BRPF3: variants seen among roughly 807,000 people sequenced by gnomAD.
BRPF3 encodes the protein bromodomain and PHD finger containing 3.
BRPF3 carries 18 observed loss-of-function variants against 102.0 expected under a neutral mutation model. The observed-to-expected ratio is 0.18, with a 90% CI of 0.12 to 0.26. The LOEUF is 0.26. BRPF3 is among the 10% of genes least tolerant of loss of function. The pLI, the probability that BRPF3 is intolerant of heterozygous loss-of-function variation, is 1.00. For missense variants in BRPF3, 1,147 were observed against 1,567.8 expected, an observed-to-expected ratio of 0.73 and a Z score of 4.53; for synonymous variants, 570 against 614.2, an observed-to-expected ratio of 0.93 and a Z score of 1.06.
chr6:36,223,828 T>A (rs2127295861), intron 10 of BRPF3, among the ~76,000 whole-genome samples: 1 of 152,322 alleles, frequency 6.6e-6, no homozygotes, highest in East Asian at 1.9e-4. Flanking sequence ...TCAGAATAAA[T>A]TCCCAGGGAA....
chr6:36,198,896 A>G (rs1411505696), intron 1 of BRPF3, among the ~76,000 whole-genome samples: 2 of 152,202 alleles, frequency 1.3e-5, no homozygotes, highest in South Asian at 2.1e-4. Flanking sequence ...AGGATAGACT[A>G]GATATGAGTG....
In BRPF3 at chr6:36,201,160, A is replaced by C; in HGVS notation, c.838A>C (p.Lys280Gln). Reference sequence around the variant, plus strand: ...TTGCCCCAATAAGGGTGGCGCCTTCAAACAGACCAGTGATGGGCACTGGGC... The same window carrying C: ...TTGCCCCAATAAGGGTGGCGCCTTCCAACAGACCAGTGATGGGCACTGGGC... ...ILCPNKGGAFKQTSDGHWAHV... is the reference protein window; with the variant it reads ...ILCPNKGGAFQQTSDGHWAHV... The change falls in exon 2 of 13, where the codon AAA becomes CAA. Residue 280 changes from lysine (K) to glutamine (Q), a missense_variant. Lys to Gln is a moderately conservative substitution (Grantham distance 53). Transcript: ENST00000357641. The surrounding 1 kb of genome is among the most constrained non-coding windows in gnomAD (Gnocchi z 5.1). The C allele has an allele frequency of 6.2e-7, 1 of 1,614,148 alleles. No homozygotes were observed. The highest frequency in any genetic ancestry group is 8.5e-7 in the Non-Finnish European group (1 of 1,180,032).
At position 36,207,294 on chromosome 6, in the gene BRPF3, C is replaced by G. The variant is rs78874446; in HGVS notation, c.1606-19C>G. 4.2e-3 allele frequency: 6,706 copies of G among 1,609,494 alleles called. 62 individuals carry two copies. Among genetic ancestry groups the G allele is most frequent in the African/African-American group, 0.031 (2,292 of 74,902 alleles). ...TGCAAGAAGGAGGTTCCTAGTCCCT[C>G]TTCTCTTCCCTCCTGTAGCGAGAGC... On this transcript the variant is annotated intron_variant, in intron 3 of 12. Transcript: ENST00000357641.
Position 36,232,002 on chromosome 6 carries a change from A to C in BRPF3, c.*1393A>C, listed in dbSNP as rs1768954928. The C allele has an allele frequency of 1.3e-5, 2 of 152,612 alleles. No homozygotes were observed. Among genetic ancestry groups the C allele is most frequent in the Non-Finnish European group, 2.9e-5 (2 of 68,022 alleles). 9.5% of individuals were successfully genotyped at this position (152,612 alleles called of 1,614,324 possible). A position where few individuals can be genotyped will look rare whatever the true frequency, so the allele number is the denominator to read the frequency against. On this transcript the variant is annotated 3_prime_UTR_variant, in exon 13 of 13. Transcript: ENST00000357641. ...AATTGTTTTAAATTTTTCATAGGGG[A>C]GTTTTGGACAAAACAGTCACTGGGG...
intron 8 of BRPF3, 76 bp from the exon 9 acceptor site, chr6:36,217,841 G>C: frequency 7.7e-7 from 1 of 1,291,774 alleles, no homozygotes; most frequent in Non-Finnish European, 1.1e-6. Context: ...CCCTCCTGAG[G>C]TGGCTGCCTC....
At chr6:36,216,642 G>A (rs895316366) in intron 8 of BRPF3, among the ~76,000 whole-genome samples, 2 of 152,198 alleles carry the variant, frequency 1.3e-5, no homozygotes, top group Non-Finnish European at 2.9e-5. Context: ...CAGTTTTCTA[G>A]TTACGGTGTC....
chr6:36,223,025 T>C (rs1717696681), intron 10 of BRPF3, among the ~76,000 whole-genome samples: 1 of 152,150 alleles, frequency 6.6e-6, no homozygotes. Flanking sequence ...TTATGGGCCT[T>C]GTCTCCTTGG....
chr6:36,200,592 C>A lies in BRPF3; in HGVS notation c.270C>A (p.Ser90=). Reference sequence around the variant, plus strand: ...AACAGCCTCAGTTCCCTGGCAAGTCCAAGAAACCCTCATCCAAGGGCAAAA... The same window carrying A: ...AACAGCCTCAGTTCCCTGGCAAGTCAAAGAAACCCTCATCCAAGGGCAAAA... The part of the protein sequence containing the change: ...NSEQPQFPGK[S]KKPSSKGKKK... The change falls in exon 2 of 13, where the codon TCC becomes TCA. Residue 90 remains serine, a synonymous_variant. Transcript: ENST00000357641. The surrounding 1 kb of genome is among the most constrained non-coding windows in gnomAD (Gnocchi z 5.3). 1 of 1,614,174 alleles carries A rather than the reference C, an allele frequency of 6.2e-7. No individual in the cohort carries two copies. The highest frequency in any genetic ancestry group is 8.5e-7 in the Non-Finnish European group (1 of 1,180,038).
rs923321897 is a variant in BRPF3, at chr6:36,230,265, C to G, written c.3435-161C>G. 4.6e-5 allele frequency among the ~76,000 whole-genome samples: 7 copies of G among 152,062 alleles called. No individual in the cohort carries two copies. The highest frequency in any genetic ancestry group is 4.6e-4 in the Admixed American group (7 of 15,282). On this transcript the variant is annotated intron_variant, in intron 12 of 12. Coordinates refer to ENST00000357641, the MANE Select transcript of BRPF3 (RefSeq NM_015695.3). The surrounding 1 kb of genome is among the most constrained non-coding windows in gnomAD (Gnocchi z 5.4). ...ATATCCTGCTTGCTGTCCTCACCTG[C>G]TAGGTTCTTGGTGGCCTCCTGCATG...
At chr6:36,207,483 G>A in intron 4 of BRPF3, 39 bp downstream of exon 4, 1 of 1,606,908 alleles carries the variant, frequency 6.2e-7, no homozygotes, top group Non-Finnish European at 8.5e-7. Flanking sequence ...CTAGTTCAAG[G>A]CCACTTTCTC....
At chr6:36,228,804 C>T (rs1768832046) in intron 11 of BRPF3, 98 bp from the exon 12 acceptor site, 9 of 1,388,944 alleles carry the variant, frequency 6.5e-6, no homozygotes, top group Non-Finnish European at 8.0e-6. Flanking sequence ...AGGCCTGATA[C>T]TCCCCTGGTG....
chr6:36,217,848 C>T, intron 8 of BRPF3, 69 bp from the exon 9 acceptor site: 2 of 1,413,250 alleles, frequency 1.4e-6, no homozygotes, highest in South Asian at 1.2e-5. Context: ...GAGGTGGCTG[C>T]CTCACCCTGT....
chr6:36,225,693 A>T (rs1410066868), intron 11 of BRPF3, among the ~76,000 whole-genome samples: 1 of 152,218 alleles, frequency 6.6e-6, no homozygotes, highest in Non-Finnish European at 1.5e-5. Flanking sequence ...AATATTTGTC[A>T]TGCTAAGTCC....
intron 11 of BRPF3, among the ~76,000 whole-genome samples, chr6:36,227,206 C>CT (rs1768772112): frequency 1.3e-5 from 2 of 150,910 alleles, no homozygotes; most frequent in South Asian, 2.1e-4. Flanking sequence ...TGGCTCTTGT[C>CT]TTTTTTTTCT....
In BRPF3 at chr6:36,201,728, C is replaced by G. The variant is rs777439878; in HGVS notation, c.1406C>G (p.Ser469Cys). Residue 469 changes from serine (S) to cysteine (C), a missense_variant, in exon 2 of 13, where the codon TCC (serine) becomes TGC (cysteine). By Grantham distance (112) the Ser-to-Cys change is moderately radical. Transcript: ENST00000357641. The surrounding 1 kb of genome is among the most constrained non-coding windows in gnomAD (Gnocchi z 5.1). Reference protein sequence around the residue: ...EPEEAGQDTPSTLPMLAVPQI... With the variant: ...EPEEAGQDTPCTLPMLAVPQI... Reference sequence around the variant, plus strand: ...GAGGAAGCAGGCCAAGACACACCCTCCACTCTCCCCATGCTTGCTGTCCCA... The same window carrying G: ...GAGGAAGCAGGCCAAGACACACCCTGCACTCTCCCCATGCTTGCTGTCCCA... The G allele has an allele frequency of 8.1e-6, 13 of 1,612,824 alleles. No individual in the cohort carries two copies. The highest frequency in any genetic ancestry group is 7.6e-6 in the Non-Finnish European group (9 of 1,179,390).
Position 36,201,450 on chromosome 6 carries a change from A to G in BRPF3, c.1128A>G (p.Thr376=), listed in dbSNP as rs1042465505. 1.2e-6 allele frequency: 2 copies of G among 1,614,198 alleles called. No homozygotes were observed. Among genetic ancestry groups the G allele is most frequent in the East Asian group, 2.2e-5 (1 of 44,874 alleles). ...CCAGCCTCAATGGCACCATCTTTAC[A>G]GTGCGCAAGACTGCCTACTGTGAGG... ...RETSLNGTIF[T]VRKTAYCEAH... Residue 376 remains threonine (T), a synonymous_variant, in exon 2 of 13, where the codon ACA becomes ACG. Coordinates refer to ENST00000357641, the MANE Select transcript of BRPF3 (RefSeq NM_015695.3). The surrounding 1 kb of genome is among the most constrained non-coding windows in gnomAD (Gnocchi z 5.1).
At chr6:36,209,979 T>C in intron 5 of BRPF3, 64 bp downstream of exon 5, 1 of 1,594,426 alleles carries the variant, frequency 6.3e-7, no homozygotes, top group South Asian at 1.1e-5. Flanking sequence ...CTGAGTAGGC[T>C]AGGAAGGAGT....
intron 2 of BRPF3, among the ~76,000 whole-genome samples, chr6:36,202,411 C>CCG (rs1554127995): frequency 2.4e-5 from 1 of 41,342 alleles, no homozygotes; most frequent in Non-Finnish European, 6.8e-5. Flanking sequence ...GCTCTGTGGA[C>CCG]CCCCCCCCCC....
chr6:36,196,897 C>G lies in BRPF3; in HGVS notation c.-100C>G, dbSNP rs1359776815. On this transcript the variant is annotated 5_prime_UTR_variant, in exon 1 of 13. Coordinates refer to ENST00000357641, the MANE Select transcript of BRPF3 (RefSeq NM_015695.3). ...GAAGACCGCGCTCCGCTTCCCGGGCCGCGCCGACCTGCTCGGCGGCCTGCC... is the reference window on the plus strand; with the variant it reads ...GAAGACCGCGCTCCGCTTCCCGGGCGGCGCCGACCTGCTCGGCGGCCTGCC... 2 of 151,614 alleles carry G rather than the reference C, an allele frequency of 1.3e-5. No homozygotes were observed. The highest frequency in any genetic ancestry group is 3.0e-5 in the Non-Finnish European group (2 of 67,744). The allele number at this position is 151,614 out of a possible 1,614,324, so 9.4% of individuals were successfully genotyped here. A position where few individuals can be genotyped will look rare whatever the true frequency, so the allele number is the denominator to read the frequency against.
Sources: gnomAD v4.1 joint callset for allele counts (sites outside exome capture counted in the v4.1 genomes callset) on GRCh38, gnomAD v4.1.1 for gene constraint, Gnocchi (gnomAD v3.1) non-coding constraint, MANE v1.5 for transcripts, NCBI Gene and HGNC (gene_info 2026-07-23, HGNC 2026-07-21) for gene names.